The following SHISA9 variants were observed in gnomAD, a reference collection of about 807,000 sequenced individuals.
The protein encoded by SHISA9 is protein shisa-9.
A neutral mutation model predicts 38.0 loss-of-function variants in SHISA9; 13 were observed. The observed-to-expected ratio is 0.34, with a 90% CI of 0.22 to 0.54. The LOEUF (loss-of-function observed/expected upper bound fraction) is 0.54, where lower values mean the gene tolerates loss of function less well. Among genes scored for constraint, SHISA9 ranks in the 20% least tolerant of loss-of-function variants. The pLI, the probability that SHISA9 is intolerant of heterozygous loss-of-function variation, is 0.91. For synonymous variants in SHISA9, 275 were observed against 242.0 expected, an observed-to-expected ratio of 1.14 and a Z score of -1.27; for missense variants, 538 against 575.8, an observed-to-expected ratio of 0.93 and a Z score of 0.67.
chr16:13,235,739 G>T lies in SHISA9; in HGVS notation c.*330G>T. The T allele has an allele frequency of 3.4e-6, 1 of 296,620 alleles. No individual in the cohort carries two copies. 18.4% of individuals were successfully genotyped at this position (296,620 alleles called of 1,614,324 possible). A position where few individuals can be genotyped will look rare whatever the true frequency, so the allele number is the denominator to read the frequency against. ...CTGAGTTTTCTTTTCCTCCTAACTTGAAACTGAAATCCATGGTGACAAAAT... is the reference window on the plus strand; with the variant it reads ...CTGAGTTTTCTTTTCCTCCTAACTTTAAACTGAAATCCATGGTGACAAAAT... On this transcript the variant is annotated 3_prime_UTR_variant, in exon 5 of 5. Transcript: ENST00000558583.
the SHISA9 span, among the ~76,000 whole-genome samples, chr16:13,412,546 C>T: frequency 6.6e-6 from 1 of 151,970 alleles, no homozygotes; most frequent in East Asian, 1.9e-4. Context: ...TGGTTCCTGA[C>T]TTCGGGCAGC....
intron 2 of SHISA9, among the ~76,000 whole-genome samples, chr16:13,185,817 G>C (rs2050815869): frequency 6.6e-6 from 1 of 152,132 alleles, no homozygotes; most frequent in African/African-American, 2.4e-5. Context: ...TAATTAGAAA[G>C]GGTTTGATTT....
At chr16:13,360,264 GCTCA>G in the SHISA9 span, among the ~76,000 whole-genome samples, 1 of 152,234 alleles carries the variant, frequency 6.6e-6, no homozygotes, top group African/African-American at 2.4e-5. Context: ...TGCAGCTGAT[GCTCA>G]CTGACGGTGT....
the SHISA9 span, among the ~76,000 whole-genome samples, chr16:13,496,450 T>C: frequency 1.3e-5 from 2 of 152,102 alleles, no homozygotes; most frequent in Non-Finnish European, 2.9e-5. Flanking sequence ...AATAATTATT[T>C]AGCCATCTCA....
chr16:13,556,090 C>G, the SHISA9 span, among the ~76,000 whole-genome samples: 2 of 152,198 alleles, frequency 1.3e-5, no homozygotes. Flanking sequence ...AAGCCACTTT[C>G]CGATTCCACC....
At chr16:13,552,617 C>G in the SHISA9 span, among the ~76,000 whole-genome samples, 1 of 152,136 alleles carries the variant, frequency 6.6e-6, no homozygotes, top group Non-Finnish European at 1.5e-5. Context: ...ACAACTTGCT[C>G]GAGGTCACAA....
chr16:13,253,737 G>C, the SHISA9 span, among the ~76,000 whole-genome samples: 3 of 152,030 alleles, frequency 2.0e-5, no homozygotes, highest in Non-Finnish European at 4.4e-5. Context: ...GATTTGGGTG[G>C]GGACACAGCC....
the SHISA9 span, among the ~76,000 whole-genome samples, chr16:13,494,753 A>G: frequency 1.3e-5 from 2 of 152,240 alleles, no homozygotes; most frequent in Non-Finnish European, 2.9e-5. Flanking sequence ...ATAGAACGCT[A>G]TATTTTAAAA....
chr16:13,491,064 T>C, the SHISA9 span, among the ~76,000 whole-genome samples: 1 of 152,252 alleles, frequency 6.6e-6, no homozygotes, highest in African/African-American at 2.4e-5. Context: ...CTATGTTCAC[T>C]GAATCTTAAA....
chr16:13,207,908 A>G (rs1225356371), intron 3 of SHISA9, among the ~76,000 whole-genome samples: 1 of 152,218 alleles, frequency 6.6e-6, no homozygotes, highest in Non-Finnish European at 1.5e-5. Flanking sequence ...AACCTCCGAT[A>G]AGCAGATTCA....
the SHISA9 span, among the ~76,000 whole-genome samples, chr16:13,444,981 GCTATATATATATATATATATATATAT>G: frequency 1.3e-5 from 1 of 76,266 alleles, no homozygotes; most frequent in South Asian, 6.2e-4. Flanking sequence ...ACCATGCCTA[GCTATATATATATATATATATATATAT>G]ATATATATAT....
chr16:12,935,377 T>G (rs2071515686), intron 2 of SHISA9, among the ~76,000 whole-genome samples: 1 of 152,244 alleles, frequency 6.6e-6, no homozygotes, highest in Non-Finnish European at 1.5e-5. Context: ...GCTGATGATA[T>G]TTCCTGCGTT....
At chr16:13,086,129 G>T (rs941707150) in intron 2 of SHISA9, among the ~76,000 whole-genome samples, 1 of 152,002 alleles carries the variant, frequency 6.6e-6, no homozygotes, top group South Asian at 2.1e-4. Flanking sequence ...AGGCCGAGGC[G>T]GGCAGATCAT....
chr16:13,555,116 A>G, the SHISA9 span, among the ~76,000 whole-genome samples: 23 of 152,330 alleles, frequency 1.5e-4, no homozygotes, highest in African/African-American at 5.1e-4. Context: ...TCTCAGCCCT[A>G]ATTTCCAAAT....
the SHISA9 span, among the ~76,000 whole-genome samples, chr16:13,549,138 T>C: frequency 6.6e-6 from 1 of 152,126 alleles, no homozygotes; most frequent in Non-Finnish European, 1.5e-5. Flanking sequence ...CCACACAATC[T>C]CTCTCATGTG....
At chr16:13,461,285 G>A in the SHISA9 span, among the ~76,000 whole-genome samples, 1 of 152,264 alleles carries the variant, frequency 6.6e-6, no homozygotes, top group East Asian at 1.9e-4. Flanking sequence ...TCTCTAAAGA[G>A]TTATAGACTT....
At chr16:13,256,473 G>T in the SHISA9 span, among the ~76,000 whole-genome samples, 1 of 152,104 alleles carries the variant, frequency 6.6e-6, no homozygotes, top group Admixed American at 6.5e-5. Flanking sequence ...TAGAGATGTT[G>T]TTTTCCGTGT....
At chr16:13,286,903 C>G in the SHISA9 span, among the ~76,000 whole-genome samples, 5 of 152,120 alleles carry the variant, frequency 3.3e-5, no homozygotes, top group South Asian at 8.3e-4. Context: ...GTTTTTAATT[C>G]TTATTTTTTT....
chr16:13,479,191 C>G, the SHISA9 span, among the ~76,000 whole-genome samples: 1 of 152,196 alleles, frequency 6.6e-6, no homozygotes, highest in African/African-American at 2.4e-5. Flanking sequence ...GACTCTGAAT[C>G]TAACTCTCCA....
Sources: allele counts gnomAD v4.1 joint callset (sites outside exome capture counted in the v4.1 genomes callset), GRCh38; gene constraint gnomAD v4.1.1; transcripts MANE v1.5; gene names NCBI Gene and HGNC (gene_info 2026-07-23, HGNC 2026-07-21).